ANKH: variants seen among roughly 807,000 people sequenced by gnomAD.
The protein encoded by ANKH is mineralization regulator ANKH.
ANKH carries 15 observed loss-of-function variants against 49.0 expected under a neutral mutation model. That is an observed-to-expected ratio of 0.31 (90% CI 0.20 to 0.47). ANKH has a LOEUF of 0.47. ANKH is among the 20% of genes least tolerant of loss of function. The pLI is 1.00. For missense variants in ANKH, 429 were observed against 652.0 expected (o/e 0.66, Z 3.72); for synonymous variants, 273 against 260.0 (o/e 1.05, Z -0.48).
intron 1 of ANKH, among the ~76,000 whole-genome samples, chr5:14,787,899 C>T (rs1336158912): frequency 1.3e-5 from 2 of 152,170 alleles, no homozygotes; most frequent in Admixed American, 1.3e-4. Context: ...ACACCTTTGG[C>T]CATGAGAAAA....
chr5:14,721,048 T>A (rs115751381), intron 8 of ANKH, among the ~76,000 whole-genome samples: 165 of 152,078 alleles, frequency 1.1e-3, no homozygotes, highest in African/African-American at 3.8e-3. Context: ...GGGTGGGGGG[T>A]CAGCTTGAGG....
At chr5:14,747,228 A>C (rs1276815394) in intron 6 of ANKH, among the ~76,000 whole-genome samples, 1 of 152,164 alleles carries the variant, frequency 6.6e-6, no homozygotes, top group African/African-American at 2.4e-5. Context: ...TAGATTTTTA[A>C]TTTAAGAAAA....
At chr5:14,752,819 A>G (rs1229530843) in intron 4 of ANKH, among the ~76,000 whole-genome samples, 1 of 152,118 alleles carries the variant, frequency 6.6e-6, no homozygotes, top group African/African-American at 2.4e-5. Flanking sequence ...ATCTGGGTGG[A>G]CTGATGGGGG....
intron 3 of ANKH, among the ~76,000 whole-genome samples, chr5:14,756,938 G>T (rs1738904984): frequency 6.6e-6 from 1 of 152,148 alleles, no homozygotes; most frequent in Admixed American, 6.6e-5. Context: ...AAATGTTCTG[G>T]TGTTCTATTT....
At chr5:14,804,143 G>A (rs767133106) in intron 1 of ANKH, among the ~76,000 whole-genome samples, 6 of 152,110 alleles carry the variant, frequency 3.9e-5, no homozygotes, top group Non-Finnish European at 7.3e-5. Context: ...TGATCCACCC[G>A]CTTCAGCCTC....
chr5:14,839,034 T>C (rs1240719128), intron 1 of ANKH, among the ~76,000 whole-genome samples: 1 of 152,208 alleles, frequency 6.6e-6, no homozygotes, highest in Non-Finnish European at 1.5e-5. Flanking sequence ...GCAAAGATCC[T>C]TAAAGTGATT....
rs201629856 is a variant in ANKH, at chr5:14,741,897, C to A, written c.941G>T (p.Ser314Ile). The change falls in exon 8 of 12, where the codon AGC (serine) becomes ATC (isoleucine). Residue 314 changes from serine to isoleucine, a missense_variant. Ser to Ile is a moderately radical substitution (Grantham distance 142). Coordinates refer to ENST00000284268, the MANE Select transcript of ANKH (RefSeq NM_054027.6). ...DKNNPSNKLV[S>I]TSNTVTAAHI... ...GGCTGCCGTGACTGTGTTGCTCGTG[C>A]TCACCAGTTTGTTGCTGGGGTTATT... 2 of 1,614,148 alleles carry A rather than the reference C, an allele frequency of 1.2e-6. No homozygotes were observed. The highest frequency in any genetic ancestry group is 1.7e-5 in the Admixed American group (1 of 60,024).
chr5:14,853,197 G>T (rs919922149), intron 1 of ANKH, among the ~76,000 whole-genome samples: 2 of 152,104 alleles, frequency 1.3e-5, no homozygotes, highest in Non-Finnish European at 2.9e-5. Context: ...TCAATCATAC[G>T]CTTTTCCCAA....
rs892866587 is a variant in ANKH at position 14,803,319 on chromosome 5, G to C, written c.97-34128C>G. ...TTTTGAGAAAAAGTGTTGCTCTGTT[G>C]CCCGGGCTGGAGTGCAGTGGTGCGA... On this transcript the variant is annotated intron_variant, in intron 1 of 11. Transcript: ENST00000284268. Among the ~76,000 whole-genome samples, 6 of 152,158 alleles carry C rather than the reference G, an allele frequency of 3.9e-5. No individual in the cohort carries two copies. The Middle Eastern group carries it at 0.01, about 261-fold the overall frequency.
At chr5:14,825,795 G>T (rs148848138) in intron 1 of ANKH, 1 of 152,180 alleles carries the variant, frequency 6.6e-6, no homozygotes, top group Non-Finnish European at 1.5e-5. Context: ...AACGTTGTCC[G>T]TGTACAGGGG....
At chr5:14,782,965 C>T (rs1012450303) in intron 1 of ANKH, among the ~76,000 whole-genome samples, 2 of 152,140 alleles carry the variant, frequency 1.3e-5, no homozygotes, top group African/African-American at 4.8e-5. Context: ...GTGTATTATA[C>T]AAGGATCTTT....
At chr5:14,744,810 G>A (rs1738478420) in intron 7 of ANKH, among the ~76,000 whole-genome samples, 1 of 152,264 alleles carries the variant, frequency 6.6e-6, no homozygotes, top group East Asian at 1.9e-4. Flanking sequence ...GTCTCAGGGG[G>A]GCATTTTGGA....
chr5:14,803,242 C>T (rs2126562947), intron 1 of ANKH, among the ~76,000 whole-genome samples: 1 of 152,154 alleles, frequency 6.6e-6, no homozygotes, highest in Middle Eastern at 3.4e-3. Context: ...ATGGACTTCT[C>T]TAAAGGTCTT....
At chr5:14,850,787 T>C (rs1443864563) in intron 1 of ANKH, among the ~76,000 whole-genome samples, 2 of 152,174 alleles carry the variant, frequency 1.3e-5, no homozygotes. Context: ...CAGACCTGAT[T>C]TGTGAAAAGG....
chr5:14,799,119 A>G (rs1740486651), intron 1 of ANKH, among the ~76,000 whole-genome samples: 1 of 152,256 alleles, frequency 6.6e-6, no homozygotes, highest in African/African-American at 2.4e-5. Flanking sequence ...GTCTGGAAAG[A>G]AGATCAAACC....
rs1324123199 is a variant in ANKH at position 14,836,566 on chromosome 5, G to A, written c.96+34786C>T. ...CCTAGGAATCCAACTTACAAGGGAT[G>A]TGAAGGACCTCTTCAAGGAGGACTA... On this transcript the variant is annotated intron_variant, in intron 1 of 11. Coordinates refer to ENST00000284268, the MANE Select transcript of ANKH (RefSeq NM_054027.6). 2.0e-5 allele frequency among the ~76,000 whole-genome samples: 3 copies of A among 152,316 alleles called. No individual in the cohort carries two copies. In the South Asian group the frequency reaches 6.2e-4, roughly 32 times the overall value.
intron 1 of ANKH, among the ~76,000 whole-genome samples, chr5:14,850,428 A>C (rs962297197): frequency 6.6e-6 from 1 of 152,376 alleles, no homozygotes; most frequent in Admixed American, 6.5e-5. Context: ...TACTAACCTT[A>C]AGCAAACTGC....
chr5:14,719,462 C>T (rs988285726), intron 8 of ANKH, among the ~76,000 whole-genome samples: 3 of 152,076 alleles, frequency 2.0e-5, no homozygotes, highest in Admixed American at 6.6e-5. Context: ...GTGAAGGCTG[C>T]GATAGGCCCA....
In ANKH at chr5:14,741,911, G is replaced by A; in HGVS notation, c.927C>T (p.Ser309=). Reference sequence around the variant, plus strand: ...TGTTGCTCGTGCTCACCAGTTTGTTGCTGGGGTTATTCTGGGGAAAGAAAA... The same window carrying A: ...TGTTGCTCGTGCTCACCAGTTTGTTACTGGGGTTATTCTGGGGAAAGAAAA... ...VYPAFDKNNP[S]NKLVSTSNTV... is the part of the protein sequence containing the mutation. The change falls in exon 8 of 12, where the codon AGC becomes AGT. Residue 309 remains serine, a synonymous_variant. Transcript: ENST00000284268. 1 of 1,614,104 alleles carries A rather than the reference G, an allele frequency of 6.2e-7. No individual in the cohort carries two copies. The highest frequency in any genetic ancestry group is 2.2e-5 in the East Asian group (1 of 44,874).
Sources: gnomAD v4.1 joint callset for allele counts (sites outside exome capture counted in the v4.1 genomes callset) on GRCh38, gnomAD v4.1.1 for gene constraint, MANE v1.5 for transcripts, NCBI Gene and HGNC (gene_info 2026-07-23, HGNC 2026-07-21) for gene names.